Variants in VDAC1 observed in about 807,000 individuals in gnomAD.
VDAC1 encodes non-selective voltage-gated ion channel VDAC1.
VDAC1 carries 10 observed loss-of-function variants against 34.7 expected under a neutral mutation model. The observed-to-expected ratio is 0.29, with a 90% confidence interval of 0.18 to 0.49. VDAC1 has a LOEUF of 0.49. VDAC1 is among the 20% of genes least tolerant of loss of function. The pLI is 0.99. For synonymous variants in VDAC1, 130 were observed against 136.0 expected, an observed-to-expected ratio of 0.96 and a Z score of 0.30; for missense variants, 230 against 347.9, an observed-to-expected ratio of 0.66 and a Z score of 2.69.
chr5:134,112,865 C>T, the VDAC1 span, among the ~76,000 whole-genome samples: 1 of 152,162 alleles, frequency 6.6e-6, no homozygotes, highest in African/African-American at 2.4e-5. Flanking sequence ...AACACTTCAG[C>T]CTCCACTGAT....
At chr5:134,032,077 T>A in the VDAC1 span, among the ~76,000 whole-genome samples, 2 of 135,666 alleles carry the variant, frequency 1.5e-5, no homozygotes, top group Non-Finnish European at 3.0e-5. Flanking sequence ...GAGCCAAGAT[T>A]GTGCCACTGC....
intron 5 of VDAC1, among the ~76,000 whole-genome samples, chr5:133,988,247 CA>C (rs1164291195): frequency 6.6e-6 from 1 of 151,734 alleles, no homozygotes; most frequent in Admixed American, 6.6e-5. Context: ...ATTTTTGCCA[CA>C]TTTTTTTCTA....
chr5:134,104,791 G>A, the VDAC1 span, among the ~76,000 whole-genome samples: 2 of 152,190 alleles, frequency 1.3e-5, no homozygotes, highest in Admixed American at 6.5e-5. Context: ...AGCTGACAAG[G>A]AAAACCACAG....
chr5:134,114,143 T>C, the VDAC1 span, among the ~76,000 whole-genome samples: 1 of 152,160 alleles, frequency 6.6e-6, no homozygotes, highest in Non-Finnish European at 1.5e-5. Context: ...ATGTTCGCAC[T>C]GTATGCAGGC....
the VDAC1 span, among the ~76,000 whole-genome samples, chr5:134,042,258 G>T: frequency 6.6e-6 from 1 of 152,130 alleles, no homozygotes; most frequent in South Asian, 2.1e-4. Flanking sequence ...GCTTGGGGGG[G>T]ACCAGGCCCT....
upstream of VDAC1, among the ~76,000 whole-genome samples, chr5:134,005,713 T>C (rs1211365416): frequency 6.6e-6 from 1 of 152,190 alleles, no homozygotes; most frequent in African/African-American, 2.4e-5. Flanking sequence ...AACGGTCACC[T>C]CGCTGCTAGG....
the VDAC1 span, among the ~76,000 whole-genome samples, chr5:134,074,463 A>G: frequency 6.6e-6 from 1 of 152,080 alleles, no homozygotes; most frequent in African/African-American, 2.4e-5. Context: ...CCTGGGTGGG[A>G]GTTGGGCCCC....
At chr5:134,049,317 C>G in the VDAC1 span, among the ~76,000 whole-genome samples, 2 of 152,148 alleles carry the variant, frequency 1.3e-5, no homozygotes, top group East Asian at 1.9e-4. Flanking sequence ...TGGTCTCCAA[C>G]TCCTGGCCTC....
the VDAC1 span, among the ~76,000 whole-genome samples, chr5:134,051,213 A>G: frequency 5.3e-5 from 8 of 152,332 alleles, no homozygotes; most frequent in Non-Finnish European, 8.8e-5. Context: ...CAGGGGGGCC[A>G]GGCCCTAACT....
At chr5:134,062,168 G>T in the VDAC1 span, among the ~76,000 whole-genome samples, 2 of 151,428 alleles carry the variant, frequency 1.3e-5, no homozygotes, top group Non-Finnish European at 3.0e-5. Flanking sequence ...GGTATTTTTA[G>T]TAGAGATGGG....
the VDAC1 span, among the ~76,000 whole-genome samples, chr5:134,059,065 A>G: frequency 6.6e-6 from 1 of 152,148 alleles, no homozygotes; most frequent in Non-Finnish European, 1.5e-5. Flanking sequence ...TTGCCAACCC[A>G]TGGTCGGCAA....
chr5:134,017,151 C>G, the VDAC1 span, among the ~76,000 whole-genome samples: 3 of 152,206 alleles, frequency 2.0e-5, no homozygotes, highest in Non-Finnish European at 4.4e-5. Flanking sequence ...CCCTCTGTTT[C>G]CTTCATAGCT....
the VDAC1 span, among the ~76,000 whole-genome samples, chr5:134,031,936 G>A: frequency 1.4e-5 from 2 of 143,352 alleles, no homozygotes; most frequent in Non-Finnish European, 3.0e-5. Flanking sequence ...CGGTGACAGA[G>A]CGAGACCCCA....
At chr5:133,989,546 G>A (rs977459215) in intron 5 of VDAC1, among the ~76,000 whole-genome samples, 1 of 151,916 alleles carries the variant, frequency 6.6e-6, no homozygotes, top group Non-Finnish European at 1.5e-5. Context: ...TTTTATTAGA[G>A]ATGGGGTTTT....
At chr5:134,013,271 C>G in the VDAC1 span, among the ~76,000 whole-genome samples, 36,594 of 152,052 alleles carry the variant, frequency 0.24, 5,299 homozygotes, top group Non-Finnish European at 0.31. Flanking sequence ...CCCGTCTGTA[C>G]AAAGAATACA....
At chr5:134,022,445 G>T in the VDAC1 span, among the ~76,000 whole-genome samples, 13 of 152,210 alleles carry the variant, frequency 8.5e-5, no homozygotes, top group African/African-American at 3.1e-4. Flanking sequence ...TAGTGGAAGA[G>T]TATCACTTGG....
the VDAC1 span, among the ~76,000 whole-genome samples, chr5:134,024,511 A>G: frequency 6.8e-6 from 1 of 148,064 alleles, no homozygotes; most frequent in South Asian, 2.3e-4. Context: ...CCTGGGCGAG[A>G]GAGTGAGACC....
the VDAC1 span, among the ~76,000 whole-genome samples, chr5:134,048,709 T>C: frequency 1.3e-5 from 2 of 152,166 alleles, no homozygotes; most frequent in African/African-American, 2.4e-5. Context: ...TCTTGATCTA[T>C]GTCCTCCTAG....
the VDAC1 span, among the ~76,000 whole-genome samples, chr5:134,050,350 T>G: frequency 2.0e-5 from 3 of 152,254 alleles, no homozygotes; most frequent in African/African-American, 4.8e-5. Flanking sequence ...CAGAAGTTAA[T>G]AATTCTATTT....
Sources: gnomAD v4.1 joint callset for allele counts (sites outside exome capture counted in the v4.1 genomes callset) on GRCh38, gnomAD v4.1.1 for gene constraint, MANE v1.5 for transcripts, NCBI Gene and HGNC (gene_info 2026-07-23, HGNC 2026-07-21) for gene names.